The following CYP3A4 variants were observed in gnomAD, a reference collection of about 807,000 sequenced individuals.
CYP3A4 encodes cytochrome P450 3A4.
In CYP3A4, 41 loss-of-function variants were observed where a neutral mutation model predicts 54.9. The observed-to-expected ratio is 0.75, with a 90% CI of 0.58 to 0.97. CYP3A4 has a LOEUF of 0.97. Among genes scored for constraint, CYP3A4 ranks in the 50% least tolerant of loss-of-function variants. The probability of loss-of-function intolerance (pLI) is 0.00; values close to 1 mark genes in which losing one functional copy is unlikely to be tolerated. For synonymous variants in CYP3A4, 179 were observed against 205.2 expected, an observed-to-expected ratio of 0.87 and a Z score of 1.09; for missense variants, 510 against 597.3, an observed-to-expected ratio of 0.85 and a Z score of 1.52.
intron 1 of CYP3A4, among the ~76,000 whole-genome samples, chr7:99,783,295 G>C (rs1234596792): frequency 6.6e-6 from 1 of 152,050 alleles, no homozygotes; most frequent in Non-Finnish European, 1.5e-5. Context: ...CCACCAGTGA[G>C]AGGATTCATC....
intron 6 of CYP3A4, 126 bp from the exon 7 acceptor site, chr7:99,768,628 A>G: frequency 6.4e-7 from 1 of 1,561,106 alleles, no homozygotes; most frequent in Non-Finnish European, 8.8e-7. Flanking sequence ...CAGATCTACT[A>G]GATCACCTTC....
chr7:99,769,177 C>G (rs980515410), intron 6 of CYP3A4, among the ~76,000 whole-genome samples: 1 of 152,034 alleles, frequency 6.6e-6, no homozygotes, highest in African/African-American at 2.4e-5. Flanking sequence ...CCTGGTCTGC[C>G]CAGGACAAAC....
intron 12 of CYP3A4, among the ~76,000 whole-genome samples, chr7:99,760,224 G>C (rs1815284931): frequency 6.6e-6 from 1 of 152,202 alleles, no homozygotes; most frequent in African/African-American, 2.4e-5. Flanking sequence ...AGTCAGGATG[G>C]CCTTGGACTG....
At chr7:99,766,876 A>T in intron 8 of CYP3A4, 1 of 388,496 alleles carries the variant, frequency 2.6e-6, no homozygotes, top group Non-Finnish European at 4.6e-6. Flanking sequence ...TCTCAATAAA[A>T]TTTATGCCGT....
intron 7 of CYP3A4, among the ~76,000 whole-genome samples, chr7:99,767,808 C>T (rs2151558381): frequency 6.6e-6 from 1 of 152,144 alleles, no homozygotes; most frequent in East Asian, 1.9e-4. Context: ...TTGAGGTGAA[C>T]AAAAACTAAG....
At chr7:99,766,542 T>C in intron 8 of CYP3A4, 99 bp from the exon 9 acceptor site, 2 of 1,444,914 alleles carry the variant, frequency 1.4e-6, no homozygotes, top group African/African-American at 2.8e-5. Flanking sequence ...AGAATATGGC[T>C]CCTTGAAGAC....
intron 6 of CYP3A4, among the ~76,000 whole-genome samples, chr7:99,768,770 C>T (rs964121644): frequency 6.6e-6 from 1 of 152,080 alleles, no homozygotes; most frequent in African/African-American, 2.4e-5. Context: ...AGACAGAGAC[C>T]CACTATCAGA....
intron 5 of CYP3A4, 112 bp downstream of exon 5, chr7:99,770,010 A>G: frequency 2.0e-6 from 3 of 1,527,162 alleles, no homozygotes; most frequent in Non-Finnish European, 2.7e-6. Flanking sequence ...ATTTTTAGGC[A>G]GCTCAAATTC....
rs754284573 is a variant in CYP3A4, at chr7:99,762,184, A to G, written c.1110T>C (p.Ala370=). ...TTTTGCAGACCCTCTCAAGTCTCAT[A>G]GCAATTGGGAATAATCTGAGCGTTT... ...VNETLRLFPI[A]MRLERVCKKD... The change falls in exon 11 of 13, where the codon GCT becomes GCC. Residue 370 remains alanine (A), a synonymous_variant. Coordinates refer to ENST00000651514, the MANE Select transcript of CYP3A4 (RefSeq NM_017460.6). 6.2e-7 allele frequency: 1 copy of G among 1,614,118 alleles called. No homozygotes were observed. Among genetic ancestry groups the G allele is most frequent in the Admixed American group, 1.7e-5 (1 of 60,022 alleles).
At chr7:99,768,699 T>A (rs1815546696) in intron 6 of CYP3A4, among the ~76,000 whole-genome samples, 197 bp from the exon 7 acceptor site, 2 of 152,082 alleles carry the variant, frequency 1.3e-5, no homozygotes, top group Admixed American at 1.3e-4. Flanking sequence ...CTACGCTGGG[T>A]GTGATGGAGA....
intron 6 of CYP3A4, among the ~76,000 whole-genome samples, chr7:99,769,072 T>A (rs1313898455): frequency 1.3e-5 from 2 of 152,192 alleles, no homozygotes; most frequent in African/African-American, 4.8e-5. Context: ...ACAGCAGAAT[T>A]ATTTTTGTAA....
intron 6 of CYP3A4, 40 bp from the exon 7 acceptor site, chr7:99,768,542 T>C (rs367936828): frequency 1.5e-5 from 24 of 1,612,334 alleles, no homozygotes; most frequent in African/African-American, 1.3e-4. Context: ...ATCAGCACCT[T>C]TTTACCATCC....
intron 12 of CYP3A4, among the ~76,000 whole-genome samples, chr7:99,758,514 T>G (rs141699118): frequency 1.5e-4 from 23 of 152,312 alleles, no homozygotes; most frequent in African/African-American, 4.3e-4. Context: ...TAACAAAATA[T>G]TTATGGAGTA....
At chr7:99,761,136 T>C (rs1176259541) in intron 11 of CYP3A4, among the ~76,000 whole-genome samples, 155 bp from the exon 12 acceptor site, 3 of 152,252 alleles carry the variant, frequency 2.0e-5, no homozygotes, top group Non-Finnish European at 4.4e-5. Flanking sequence ...CTTATTTTGC[T>C]ATGAGAATTG....
At chr7:99,776,733 C>A (rs1198665425) in intron 3 of CYP3A4, among the ~76,000 whole-genome samples, 1 of 152,022 alleles carries the variant, frequency 6.6e-6, no homozygotes, top group African/African-American at 2.4e-5. Context: ...AGGAGAAATA[C>A]CTAATGTAGG....
chr7:99,774,393 G>A (rs1300708104), intron 3 of CYP3A4, among the ~76,000 whole-genome samples: 1 of 152,128 alleles, frequency 6.6e-6, no homozygotes, highest in Non-Finnish European at 1.5e-5. Context: ...AACAAAAAAA[G>A]AGAATTTTAG....
At chr7:99,764,359 C>T (rs1174123777) in intron 9 of CYP3A4, among the ~76,000 whole-genome samples, 2 of 152,050 alleles carry the variant, frequency 1.3e-5, no homozygotes, top group African/African-American at 4.8e-5. Flanking sequence ...CCTAAAAGTA[C>T]TTTATTGTAA....
At chr7:99,776,016 A>G (rs1314866286) in intron 3 of CYP3A4, among the ~76,000 whole-genome samples, 1 of 152,226 alleles carries the variant, frequency 6.6e-6, no homozygotes, top group Non-Finnish European at 1.5e-5. Flanking sequence ...AAACAACCCC[A>G]TCAAAAAATG....
chr7:99,768,634 C>A, intron 6 of CYP3A4, 132 bp from the exon 7 acceptor site: 1 of 1,536,730 alleles, frequency 6.5e-7, no homozygotes, highest in Non-Finnish European at 8.9e-7. Context: ...TACTAGATCA[C>A]CTTCTATCAC....
Sources: allele counts gnomAD v4.1 joint callset (sites outside exome capture counted in the v4.1 genomes callset), GRCh38; gene constraint gnomAD v4.1.1; transcripts MANE v1.5; gene names NCBI Gene and HGNC (gene_info 2026-07-23, HGNC 2026-07-21).